SORCS1: variants seen among roughly 807,000 people sequenced by gnomAD.
SORCS1 encodes the protein VPS10 domain-containing receptor SorCS1.
In SORCS1, 60 loss-of-function variants were observed where a neutral mutation model predicts 146.1. The observed-to-expected ratio is 0.41, with a 90% CI of 0.33 to 0.51. The LOEUF is 0.51. Among genes scored for constraint, SORCS1 ranks in the 20% least tolerant of loss-of-function variants. The pLI, the probability that SORCS1 is intolerant of heterozygous loss-of-function variation, is 0.21. For synonymous variants in SORCS1, 637 were observed against 584.0 expected, an observed-to-expected ratio of 1.09 and a Z score of -1.31; for missense variants, 1,352 against 1,487.6, an observed-to-expected ratio of 0.91 and a Z score of 1.50.
chr10:107,179,904 C>CTTTTTTTTTTT, the SORCS1 span, among the ~76,000 whole-genome samples: 2 of 51,248 alleles, frequency 3.9e-5, no homozygotes, highest in African/African-American at 8.4e-5. Flanking sequence ...ACAAAACAGA[C>CTTTTTTTTTTT]TTTTTTTTTT....
At chr10:106,648,973 A>G (rs1166794972) in intron 18 of SORCS1, among the ~76,000 whole-genome samples, 1 of 152,042 alleles carries the variant, frequency 6.6e-6, no homozygotes. Context: ...CGACCAGGAG[A>G]ACTATCCTAT....
At chr10:107,081,688 G>C (rs1963345659) in intron 1 of SORCS1, among the ~76,000 whole-genome samples, 1 of 152,038 alleles carries the variant, frequency 6.6e-6, no homozygotes, top group Non-Finnish European at 1.5e-5. Flanking sequence ...CAAAGAAAAA[G>C]AGTGAAAAAA....
intron 1 of SORCS1, among the ~76,000 whole-genome samples, chr10:107,004,384 TCA>T (rs1957353815): frequency 6.6e-6 from 1 of 152,088 alleles, no homozygotes; most frequent in African/African-American, 2.4e-5. Flanking sequence ...GTCAGTGGAC[TCA>T]CAGTTCCACA....
chr10:106,671,591 T>C (rs1375218853), intron 15 of SORCS1, among the ~76,000 whole-genome samples: 1 of 152,206 alleles, frequency 6.6e-6, no homozygotes, highest in Non-Finnish European at 1.5e-5. Context: ...ACAACATCCT[T>C]AATTTTGTGT....
intron 2 of SORCS1, among the ~76,000 whole-genome samples, chr10:106,934,887 A>G (rs1953630901): frequency 6.6e-6 from 1 of 152,150 alleles, no homozygotes; most frequent in African/African-American, 2.4e-5. Flanking sequence ...ATACAGAGTG[A>G]CATAATGGAC....
At chr10:107,006,334 G>C (rs1589910245) in intron 1 of SORCS1, among the ~76,000 whole-genome samples, 1 of 117,760 alleles carries the variant, frequency 8.5e-6, no homozygotes, top group Non-Finnish European at 1.5e-5. Flanking sequence ...AAGAAACAAG[G>C]AAGACAGGGA....
Position 106,667,697 on chromosome 10 carries a change from A to G in SORCS1, c.2295T>C (p.Asn765=). ...CTACTCCAGACACTTACCCAGTACT[A>G]TTGAGGTAACTCTGTCCCAAGCTGC... ...KDCSLGQSYL[N]STGYRKVVSN... is the part of the protein sequence containing the mutation. Residue 765 remains asparagine (N), a synonymous_variant, in exon 17 of 26, where the codon AAT becomes AAC. Coordinates refer to ENST00000263054, the MANE Select transcript of SORCS1 (RefSeq NM_052918.5). The G allele has an allele frequency of 3.7e-6, 6 of 1,613,474 alleles. No individual in the cohort carries two copies. The highest frequency in any genetic ancestry group is 4.2e-6 in the Non-Finnish European group (5 of 1,179,598).
At chr10:106,801,286 G>T (rs1946857479) in intron 3 of SORCS1, among the ~76,000 whole-genome samples, 1 of 152,074 alleles carries the variant, frequency 6.6e-6, no homozygotes, top group Non-Finnish European at 1.5e-5. Flanking sequence ...AGGAATAAAG[G>T]CAAGAGAAGG....
At chr10:106,657,066 A>G (rs1183682801) in intron 17 of SORCS1, among the ~76,000 whole-genome samples, 2 of 152,228 alleles carry the variant, frequency 1.3e-5, no homozygotes, top group Non-Finnish European at 2.9e-5. Flanking sequence ...AATAACTAAA[A>G]TTAGATCTAC....
chr10:106,763,571 T>A (rs1859314581), intron 4 of SORCS1, among the ~76,000 whole-genome samples: 1 of 152,224 alleles, frequency 6.6e-6, no homozygotes, highest in South Asian at 2.1e-4. Flanking sequence ...ACACATGCCC[T>A]GCTACGCCTT....
rs146812559 is a variant in SORCS1, at chr10:106,823,669, T to C, written c.726+5905A>G. Among the ~76,000 whole-genome samples the C allele has an allele frequency of 2.8e-3, 426 of 152,324 alleles. 3 individuals carry two copies. Among genetic ancestry groups the C allele is most frequent in the South Asian group, 5.0e-3 (24 of 4,826 alleles). On this transcript the variant is annotated intron_variant, in intron 3 of 25. Transcript: ENST00000263054. ...TATTAGACATGGTCAAGAACAACTATAATCAGAAGTGAGAGTAAAGTGCTA... is the reference window on the plus strand; with the variant it reads ...TATTAGACATGGTCAAGAACAACTACAATCAGAAGTGAGAGTAAAGTGCTA...
intron 1 of SORCS1, among the ~76,000 whole-genome samples, chr10:107,096,574 C>T (rs1467587497): frequency 6.6e-6 from 1 of 152,092 alleles, no homozygotes; most frequent in Non-Finnish European, 1.5e-5. Context: ...TGCAGTGATG[C>T]AATCTTGGCT....
At chr10:106,817,294 T>C (rs577709666) in intron 3 of SORCS1, among the ~76,000 whole-genome samples, 37 of 152,304 alleles carry the variant, frequency 2.4e-4, no homozygotes, top group Middle Eastern at 3.4e-3. Context: ...CCCGGTGAAA[T>C]CTGGATGCTG....
intron 1 of SORCS1, among the ~76,000 whole-genome samples, chr10:106,969,353 T>C (rs1955655450): frequency 6.6e-6 from 1 of 152,210 alleles, no homozygotes; most frequent in Non-Finnish European, 1.5e-5. Context: ...ACAAATAGTG[T>C]AGGTTATACT....
chr10:107,070,266 TTGTG>T (rs35586981), intron 1 of SORCS1, among the ~76,000 whole-genome samples: 3 of 150,588 alleles, frequency 2.0e-5, no homozygotes, highest in Non-Finnish European at 3.0e-5. Flanking sequence ...CGTAAACAGT[TTGTG>T]TGTGTGTGTG....
intron 2 of SORCS1, among the ~76,000 whole-genome samples, chr10:106,830,694 G>C: frequency 6.6e-6 from 1 of 151,262 alleles, no homozygotes; most frequent in East Asian, 1.9e-4. Context: ...TCAGGAATTC[G>C]AGACAAGCCT....
chr10:106,997,612 T>A (rs1180012401), intron 1 of SORCS1, among the ~76,000 whole-genome samples: 2 of 152,176 alleles, frequency 1.3e-5, no homozygotes, highest in Non-Finnish European at 2.9e-5. Flanking sequence ...TTCCTTTACT[T>A]AGGAAACCTT....
intron 1 of SORCS1, among the ~76,000 whole-genome samples, chr10:107,049,415 A>G (rs2134039526): frequency 6.6e-6 from 1 of 152,172 alleles, no homozygotes; most frequent in South Asian, 2.1e-4. Context: ...AACTTAAGGT[A>G]TAATAAAAAA....
intron 1 of SORCS1, among the ~76,000 whole-genome samples, chr10:107,141,766 G>A (rs1391889369): frequency 6.6e-6 from 1 of 152,090 alleles, no homozygotes; most frequent in Admixed American, 6.5e-5. Flanking sequence ...TTGCACTCAG[G>A]AGCTTCCCCC....
Sources: allele counts gnomAD v4.1 joint callset (sites outside exome capture counted in the v4.1 genomes callset), GRCh38; gene constraint gnomAD v4.1.1; transcripts MANE v1.5; gene names NCBI Gene and HGNC (gene_info 2026-07-23, HGNC 2026-07-21).